RFX3: variants seen among roughly 807,000 people sequenced by gnomAD.
RFX3 encodes the protein regulatory factor X3.
Under a neutral mutation model 98.6 loss-of-function variants are expected in RFX3, and 14 were observed. The ratio of observed to expected loss-of-function variants is 0.14; its 90% CI spans 0.09 to 0.22. The LOEUF is 0.22. Among genes scored for constraint, RFX3 ranks in the 10% least tolerant of loss-of-function variants. The pLI, the probability that RFX3 is intolerant of heterozygous loss-of-function variation, is 1.00. For synonymous variants in RFX3, 383 were observed against 328.4 expected, an observed-to-expected ratio of 1.17 and a Z score of -1.80; for missense variants, 639 against 926.9, an observed-to-expected ratio of 0.69 and a Z score of 4.03.
chr9:3,484,168 A>G (rs571795791), intron 1 of RFX3, among the ~76,000 whole-genome samples: 5 of 152,332 alleles, frequency 3.3e-5, no homozygotes, highest in African/African-American at 1.2e-4. Context: ...TTTGCTATAA[A>G]TATAGGAAAC....
chr9:3,333,562 A>C (rs1488693454), intron 3 of RFX3, among the ~76,000 whole-genome samples: 2 of 152,116 alleles, frequency 1.3e-5, no homozygotes, highest in Non-Finnish European at 2.9e-5. Flanking sequence ...ATTTAATAAA[A>C]TAAAACAGCC....
At chr9:3,506,845 T>G (rs913857001) in intron 1 of RFX3, among the ~76,000 whole-genome samples, 8 of 151,848 alleles carry the variant, frequency 5.3e-5, no homozygotes, top group African/African-American at 1.9e-4. Context: ...AATTCATGAA[T>G]TCATGCCATT....
intron 3 of RFX3, among the ~76,000 whole-genome samples, chr9:3,343,372 A>T (rs1157632291): frequency 6.6e-6 from 1 of 152,182 alleles, no homozygotes; most frequent in Non-Finnish European, 1.5e-5. Context: ...TCCGACTGTG[A>T]TCCAAGTCAG....
chr9:3,408,992 T>G (rs767632216), intron 1 of RFX3, among the ~76,000 whole-genome samples: 2 of 152,230 alleles, frequency 1.3e-5, no homozygotes, highest in Non-Finnish European at 2.9e-5. Context: ...AACAGCTACT[T>G]GTACTGAATA....
At chr9:3,484,906 A>T (rs1395116513) in intron 1 of RFX3, among the ~76,000 whole-genome samples, 1 of 150,754 alleles carries the variant, frequency 6.6e-6, no homozygotes, top group Non-Finnish European at 1.5e-5. Context: ...CAACATAGGG[A>T]GACACCCCCC....
intron 1 of RFX3, among the ~76,000 whole-genome samples, chr9:3,504,257 TAATA>T (rs1308216234): frequency 7.6e-6 from 1 of 132,000 alleles, no homozygotes; most frequent in Non-Finnish European, 1.5e-5. Flanking sequence ...ATTTTATATA[TAATA>T]TATACTATAT....
At chr9:3,500,120 AAAAG>A (rs992597825) in intron 1 of RFX3, among the ~76,000 whole-genome samples, 41 of 152,314 alleles carry the variant, frequency 2.7e-4, no homozygotes, top group African/African-American at 9.6e-4. Context: ...AACTATCCAA[AAAAG>A]AAAGGCCAAG....
intron 2 of RFX3, among the ~76,000 whole-genome samples, chr9:3,356,142 A>C (rs958516126): frequency 2.0e-5 from 3 of 147,692 alleles, no homozygotes; most frequent in Non-Finnish European, 3.0e-5. Flanking sequence ...GAATATATCA[A>C]ATCTAGAATA....
chr9:3,370,058 G>C (rs1837660210), intron 2 of RFX3, among the ~76,000 whole-genome samples: 1 of 148,534 alleles, frequency 6.7e-6, no homozygotes, highest in Non-Finnish European at 1.5e-5. Flanking sequence ...AGCCAGGATG[G>C]TCTCGATCTC....
chr9:3,450,570 G>A (rs1361745412), intron 1 of RFX3, among the ~76,000 whole-genome samples: 1 of 152,060 alleles, frequency 6.6e-6, no homozygotes, highest in Non-Finnish European at 1.5e-5. Context: ...ATATAAATAT[G>A]AATTACATGT....
chr9:3,294,642 T>A (rs919528097), intron 5 of RFX3, among the ~76,000 whole-genome samples: 2 of 152,188 alleles, frequency 1.3e-5, no homozygotes, highest in African/African-American at 4.8e-5. Flanking sequence ...TTTTCAGAAT[T>A]ACTGACTTTA....
intron 4 of RFX3, among the ~76,000 whole-genome samples, chr9:3,328,608 C>T (rs115892914): frequency 2.0e-5 from 3 of 152,266 alleles, no homozygotes; most frequent in African/African-American, 7.2e-5. Context: ...GAACTCTCCG[C>T]TCAGAACAGC....
intron 5 of RFX3, among the ~76,000 whole-genome samples, chr9:3,295,150 T>C (rs2129763239): frequency 6.6e-6 from 1 of 152,034 alleles, no homozygotes; most frequent in Non-Finnish European, 1.5e-5. Flanking sequence ...GATTGGGAAA[T>C]TAAGTTACTG....
At chr9:3,242,127 T>C (rs934686292) in intron 15 of RFX3, among the ~76,000 whole-genome samples, 2 of 152,174 alleles carry the variant, frequency 1.3e-5, no homozygotes, top group Non-Finnish European at 2.9e-5. Flanking sequence ...TCCTACTTTC[T>C]AAAGTTAGTT....
chr9:3,506,708 G>A (rs566958363), intron 1 of RFX3, among the ~76,000 whole-genome samples: 4 of 151,620 alleles, frequency 2.6e-5, no homozygotes, highest in Non-Finnish European at 5.9e-5. Context: ...ATAGAGAAAT[G>A]TATATATATA....
intron 4 of RFX3, among the ~76,000 whole-genome samples, chr9:3,330,054 T>C (rs1832407267): frequency 6.6e-6 from 1 of 152,216 alleles, no homozygotes; most frequent in Non-Finnish European, 1.5e-5. Flanking sequence ...TTAAAAACTC[T>C]AATTCACCTG....
intron 1 of RFX3, among the ~76,000 whole-genome samples, chr9:3,421,924 G>A (rs140977302): frequency 2.1e-3 from 316 of 152,026 alleles, no homozygotes; most frequent in Middle Eastern, 0.01. Context: ...GACAGGAATT[G>A]ATAGGAACTC....
At chr9:3,339,945 G>C (rs1183411092) in intron 3 of RFX3, among the ~76,000 whole-genome samples, 2 of 152,012 alleles carry the variant, frequency 1.3e-5, no homozygotes, top group African/African-American at 4.8e-5. Context: ...ACATTGGCAA[G>C]TCAATCCTAA....
intron 7 of RFX3, among the ~76,000 whole-genome samples, chr9:3,279,538 C>T (rs1036821791): frequency 2.0e-5 from 3 of 151,730 alleles, no homozygotes; most frequent in African/African-American, 7.3e-5. Flanking sequence ...ATTTCTTTGT[C>T]CTACAAAGCA....
Sources: allele counts gnomAD v4.1 joint callset (sites outside exome capture counted in the v4.1 genomes callset), GRCh38; gene constraint gnomAD v4.1.1; transcripts MANE v1.5; gene names NCBI Gene and HGNC (gene_info 2026-07-23, HGNC 2026-07-21).